The following REDIC1 variants were observed in gnomAD, a reference collection of about 807,000 sequenced individuals.
REDIC1 encodes HEI10 Interacting Protein 1.
At chr12:39,652,100 G>C in the REDIC1 span, among the ~76,000 whole-genome samples, 4 of 151,840 alleles carry the variant, frequency 2.6e-5, no homozygotes, top group Admixed American at 2.0e-4. Flanking sequence ...TTTATTGCAG[G>C]GTAGTATTTC....
At chr12:39,631,128 G>A in the REDIC1 span, among the ~76,000 whole-genome samples, 1 of 152,246 alleles carries the variant, frequency 6.6e-6, no homozygotes, top group East Asian at 1.9e-4. Flanking sequence ...GACCTCAAGT[G>A]ATCCCCCCAC....
the REDIC1 span, among the ~76,000 whole-genome samples, chr12:39,859,333 G>GAAAAA: frequency 1.6e-5 from 1 of 62,012 alleles, no homozygotes; most frequent in Non-Finnish European, 2.8e-5. Flanking sequence ...TTTTTTTTCT[G>GAAAAA]AAAAAAAAAA....
At chr12:39,747,477 A>G in the REDIC1 span, among the ~76,000 whole-genome samples, 10 of 152,378 alleles carry the variant, frequency 6.6e-5, no homozygotes, top group African/African-American at 2.2e-4. Flanking sequence ...GATGGGGAGA[A>G]TGGAACCAAG....
the REDIC1 span, among the ~76,000 whole-genome samples, chr12:39,811,726 A>C: frequency 6.6e-6 from 1 of 152,192 alleles, no homozygotes; most frequent in Non-Finnish European, 1.5e-5. Context: ...CATCCTTCTT[A>C]ATCTCTGATA....
At chr12:39,726,695 G>A in the REDIC1 span, among the ~76,000 whole-genome samples, 1 of 152,070 alleles carries the variant, frequency 6.6e-6, no homozygotes, top group South Asian at 2.1e-4. Flanking sequence ...GGGATTGCTG[G>A]GTCAAATGAT....
At chr12:39,718,796 G>A in the REDIC1 span, among the ~76,000 whole-genome samples, 1 of 152,038 alleles carries the variant, frequency 6.6e-6, no homozygotes, top group African/African-American at 2.4e-5. Context: ...GTCTGCAGAA[G>A]CTGCTTCCCC....
At chr12:39,651,454 C>G in the REDIC1 span, among the ~76,000 whole-genome samples, 1 of 152,166 alleles carries the variant, frequency 6.6e-6, no homozygotes, top group Admixed American at 6.6e-5. Flanking sequence ...CTCTGTCATA[C>G]TATCCTAGTT....
chr12:39,866,097 A>G, the REDIC1 span, among the ~76,000 whole-genome samples: 1 of 152,260 alleles, frequency 6.6e-6, no homozygotes, highest in African/African-American at 2.4e-5. Flanking sequence ...AGTTTAAAAC[A>G]TGGAATTTAG....
the REDIC1 span, among the ~76,000 whole-genome samples, chr12:39,706,727 G>T: frequency 1.3e-5 from 2 of 151,942 alleles, no homozygotes; most frequent in South Asian, 4.1e-4. Flanking sequence ...ACTCATTTTT[G>T]ATAGAGGTGC....
chr12:39,871,773 T>C, the REDIC1 span: 7 of 1,578,556 alleles, frequency 4.4e-6, no homozygotes, highest in Admixed American at 9.3e-5. Context: ...AAGTTTATAA[T>C]TGAATTCTTT....
the REDIC1 span, among the ~76,000 whole-genome samples, chr12:39,627,977 A>T: frequency 1.3e-5 from 2 of 152,146 alleles, no homozygotes; most frequent in African/African-American, 4.8e-5. Context: ...GTGGTAGTTA[A>T]AATGACCTCC....
the REDIC1 span, among the ~76,000 whole-genome samples, chr12:39,694,814 T>G: frequency 6.6e-6 from 1 of 151,992 alleles, no homozygotes; most frequent in Admixed American, 6.5e-5. Context: ...CCCAGACCAC[T>G]CAGCTTGCAG....
At chr12:39,659,823 T>C in the REDIC1 span, among the ~76,000 whole-genome samples, 1 of 152,194 alleles carries the variant, frequency 6.6e-6, no homozygotes, top group African/African-American at 2.4e-5. Flanking sequence ...CTATACATTA[T>C]GAATTTTTAT....
the REDIC1 span, among the ~76,000 whole-genome samples, chr12:39,689,833 A>C: frequency 6.6e-6 from 1 of 152,208 alleles, no homozygotes; most frequent in South Asian, 2.1e-4. Context: ...CAAAAGATGA[A>C]TTATCAACAG....
the REDIC1 span, among the ~76,000 whole-genome samples, chr12:39,891,120 CT>C: frequency 0.44 from 63,854 of 145,490 alleles, 14,293 homozygotes; most frequent in Middle Eastern, 0.53. Context: ...TCAAATATAC[CT>C]TTTTTTTTTT....
chr12:39,794,230 C>CT, the REDIC1 span, among the ~76,000 whole-genome samples: 1 of 148,934 alleles, frequency 6.7e-6, no homozygotes, highest in African/African-American at 2.5e-5. Context: ...CCCTTTGTTG[C>CT]TTTTGTGTTT....
the REDIC1 span, among the ~76,000 whole-genome samples, chr12:39,765,516 A>G: frequency 3.3e-5 from 5 of 151,936 alleles, no homozygotes; most frequent in African/African-American, 1.2e-4. Flanking sequence ...CAGACTCAAA[A>G]ACATTCCTAT....
chr12:39,825,782 C>T, the REDIC1 span, among the ~76,000 whole-genome samples: 15 of 151,868 alleles, frequency 9.9e-5, no homozygotes, highest in African/African-American at 2.2e-4. Flanking sequence ...TTGATCCTTC[C>T]GAGTATTTCT....
chr12:39,840,888 T>C, the REDIC1 span, among the ~76,000 whole-genome samples: 2 of 152,158 alleles, frequency 1.3e-5, no homozygotes, highest in Non-Finnish European at 2.9e-5. Context: ...ATGAGATGAA[T>C]GAATGTCACT....
Sources: gnomAD v4.1 joint callset for allele counts (sites outside exome capture counted in the v4.1 genomes callset) on GRCh38, gnomAD v4.1.1 for gene constraint, MANE v1.5 for transcripts, NCBI Gene and HGNC (gene_info 2026-07-23, HGNC 2026-07-21) for gene names.